GAN: variants seen among roughly 807,000 people sequenced by gnomAD.
The protein encoded by GAN is epididymis secretory sperm binding protein.
A neutral mutation model predicts 71.3 loss-of-function variants in GAN; 48 were observed. That is an observed-to-expected ratio of 0.67 (90% CI 0.53 to 0.86). GAN has a LOEUF of 0.86. Among genes scored for constraint, GAN ranks in the 40% least tolerant of loss-of-function variants. The pLI is 0.00. For synonymous variants in GAN, 386 were observed against 276.8 expected, an observed-to-expected ratio of 1.39 and a Z score of -3.92; for missense variants, 928 against 770.1, an observed-to-expected ratio of 1.21 and a Z score of -2.43.
In GAN at chr16:81,383,240, C is replaced by CTTT. The variant is rs1567503568; in HGVS notation, c.*5645_*5646insTTT. The CTTT allele has an allele frequency of 7.2e-6, 1 of 138,066 alleles. No homozygotes were observed. The highest frequency in any genetic ancestry group is 7.3e-5 in the Admixed American group (1 of 13,616). 8.6% of individuals were successfully genotyped at this position (138,066 alleles called of 1,614,324 possible). ...TTTAGTCAGAAATGACTGTTGCCCT[C>CTTT]TCTTTTTTTTTTTTTTTTTTTTTTT... On this transcript the variant is annotated 3_prime_UTR_variant, in exon 11 of 11. Coordinates refer to ENST00000648994, the MANE Select transcript of GAN (RefSeq NM_022041.4).
At chr16:81,342,330 A>T (rs968019052) in intron 1 of GAN, among the ~76,000 whole-genome samples, 1 of 152,240 alleles carries the variant, frequency 6.6e-6, no homozygotes, top group South Asian at 2.1e-4. Context: ...CAGAATATAC[A>T]TTCTTCTTAG....
At chr16:81,376,630 ACATATATGTGTG>A (rs1567500968) in intron 9 of GAN, among the ~76,000 whole-genome samples, 1 of 147,730 alleles carries the variant, frequency 6.8e-6, no homozygotes, top group Non-Finnish European at 1.5e-5. Context: ...ATATATACAT[ACATATATGTGTG>A]TATATATGTG....
intron 1 of GAN, among the ~76,000 whole-genome samples, chr16:81,320,760 G>A (rs996597195): frequency 6.6e-6 from 1 of 152,150 alleles, no homozygotes; most frequent in South Asian, 2.1e-4. Context: ...CTCTTATGGT[G>A]ATGGAAAATA....
chr16:81,317,048 G>A (rs1010698363), intron 1 of GAN, among the ~76,000 whole-genome samples: 70 of 152,098 alleles, frequency 4.6e-4, no homozygotes, highest in African/African-American at 1.6e-3. Context: ...TAGTAGAGTC[G>A]GGGTTTTACC....
chr16:81,343,724 C>G (rs1910023334), intron 1 of GAN, among the ~76,000 whole-genome samples: 1 of 152,218 alleles, frequency 6.6e-6, no homozygotes, highest in Admixed American at 6.5e-5. Flanking sequence ...AGGATGCCCT[C>G]TCTCACCATT....
chr16:81,361,098 G>A (rs1297789245), intron 5 of GAN, among the ~76,000 whole-genome samples: 1 of 152,154 alleles, frequency 6.6e-6, no homozygotes, highest in Non-Finnish European at 1.5e-5. Flanking sequence ...GGTGGCATGT[G>A]CCTGTAATCC....
chr16:81,378,016 A>G lies in GAN; in HGVS notation c.*420A>G, dbSNP rs1471117527. Reference sequence around the variant, plus strand: ...CCGTATATGCAAATCAACATATCCAAACATGCCAAGACTGCTTTTCCACTG... The same window carrying G: ...CCGTATATGCAAATCAACATATCCAGACATGCCAAGACTGCTTTTCCACTG... On this transcript the variant is annotated 3_prime_UTR_variant, in exon 11 of 11. Coordinates refer to ENST00000648994, the MANE Select transcript of GAN (RefSeq NM_022041.4). 1 of 261,456 alleles carries G rather than the reference A, an allele frequency of 3.8e-6. No individual in the cohort carries two copies. Among genetic ancestry groups the G allele is most frequent in the Non-Finnish European group, 7.5e-6 (1 of 132,886 alleles). The allele number at this position is 261,456 out of a possible 1,614,324, so 16.2% of individuals were successfully genotyped here.
chr16:81,350,148 A>C (rs1432628969), intron 1 of GAN, among the ~76,000 whole-genome samples: 1 of 152,172 alleles, frequency 6.6e-6, no homozygotes, highest in Non-Finnish European at 1.5e-5. Flanking sequence ...AGTATCACAA[A>C]TATGTAAAGA....
Position 81,381,684 on chromosome 16 carries a change from C to G in GAN, c.*4088C>G, listed in dbSNP as rs1247207830. Reference sequence around the variant, plus strand: ...ACCCACTATGGAACGGGCAAGGGCCCCGTCTTTGTCATCTGCCAGTCTCAG... The same window carrying G: ...ACCCACTATGGAACGGGCAAGGGCCGCGTCTTTGTCATCTGCCAGTCTCAG... On this transcript the variant is annotated 3_prime_UTR_variant, in exon 11 of 11. Transcript: ENST00000648994. 3.9e-5 allele frequency: 6 copies of G among 152,248 alleles called. No individual in the cohort carries two copies. The highest frequency in any genetic ancestry group is 1.2e-4 in the African/African-American group (5 of 41,466). 9.4% of individuals were successfully genotyped at this position (152,248 alleles called of 1,614,324 possible). A position where few individuals can be genotyped will look rare whatever the true frequency, so the allele number is the denominator to read the frequency against.
At chr16:81,335,208 A>T (rs990795985) in intron 1 of GAN, among the ~76,000 whole-genome samples, 12 of 151,760 alleles carry the variant, frequency 7.9e-5, no homozygotes, top group Non-Finnish European at 1.8e-4. Flanking sequence ...AACTTTTTTA[A>T]TATGCATATG....
chr16:81,315,165 C>T lies in GAN; in HGVS notation c.52C>T (p.Arg18Ter). 2 of 1,557,972 alleles carry T rather than the reference C, an allele frequency of 1.3e-6. No individual in the cohort carries two copies. Among genetic ancestry groups the T allele is most frequent in the Non-Finnish European group, 1.7e-6 (2 of 1,154,398 alleles). Residue 18 changes from arginine (R) to a stop codon, truncating the protein, a stop_gained, in exon 1 of 11, where the codon CGA becomes TGA. Transcript: ENST00000648994. LOFTEE classifies it high-confidence loss of function. ...CCCTCAGCACGCCGCGCGTCTGCTG[C>T]GAGCGCTCAGCTCTTTCCGCGAGGA... Reference protein sequence around the residue: ...SDPQHAARLLRALSSFREESR... With the variant: ...SDPQHAARLL
chr16:81,350,102 G>A (rs2150683009), intron 1 of GAN, among the ~76,000 whole-genome samples: 1 of 151,710 alleles, frequency 6.6e-6, no homozygotes, highest in Non-Finnish European at 1.5e-5. Context: ...TTTTTTAAAA[G>A]GCCCCTTTTA....
At chr16:81,362,242 G>A (rs895693205) in intron 5 of GAN, among the ~76,000 whole-genome samples, 1 of 152,136 alleles carries the variant, frequency 6.6e-6, no homozygotes, top group African/African-American at 2.4e-5. Context: ...GTGACTGAGC[G>A]GGTGACGCCA....
rs1349595506 is a variant in GAN, at chr16:81,364,904, G to A, written c.1237-70G>A. On this transcript the variant is annotated intron_variant, in intron 7 of 10. Transcript: ENST00000648994. ...AATCTCTTTAAGTATGGCCCAGACA[G>A]TTTAATATCTGTTCACCTGACCTGA... 6 of 1,474,818 alleles carry A rather than the reference G, an allele frequency of 4.1e-6. No individual in the cohort carries two copies. In the East Asian group the frequency reaches 1.4e-4, roughly 33 times the overall value. The allele number at this position is 1,474,818 out of a possible 1,614,324, so 91.4% of individuals were successfully genotyped here. A position where few individuals can be genotyped will look rare whatever the true frequency, so the allele number is the denominator to read the frequency against.
At chr16:81,353,006 T>G (rs113758110) in intron 2 of GAN, among the ~76,000 whole-genome samples, 1 of 152,206 alleles carries the variant, frequency 6.6e-6, no homozygotes, top group South Asian at 2.1e-4. Flanking sequence ...AAAACGATAG[T>G]TGGGGCCGGG....
At chr16:81,347,889 A>C (rs959504764) in intron 1 of GAN, among the ~76,000 whole-genome samples, 1 of 151,994 alleles carries the variant, frequency 6.6e-6, no homozygotes, top group South Asian at 2.1e-4. Flanking sequence ...CGTTACTGAG[A>C]GTACTTCCTT....
chr16:81,354,501 G>A lies in GAN; in HGVS notation c.379G>A (p.Gly127Ser), dbSNP rs749087082. 2.5e-6 allele frequency: 4 copies of A among 1,613,894 alleles called. No individual in the cohort carries two copies. Among genetic ancestry groups the A allele is most frequent in the South Asian group, 2.2e-5 (2 of 91,088 alleles). Reference protein sequence around the residue: ...LKTLCCEFLEGCIAAENCIGI... With the variant: ...LKTLCCEFLESCIAAENCIGI... Reference sequence around the variant, plus strand: ...AACCCTGTGCTGTGAGTTTTTGGAAGGCTGCATTGCTGCTGAGAACTGTAT... The same window carrying A: ...AACCCTGTGCTGTGAGTTTTTGGAAAGCTGCATTGCTGCTGAGAACTGTAT... Residue 127 changes from glycine to serine, a missense_variant, in exon 3 of 11, where the codon GGC (glycine) becomes AGC (serine). By Grantham distance (56) the Gly-to-Ser change is moderately conservative. Coordinates refer to ENST00000648994, the MANE Select transcript of GAN (RefSeq NM_022041.4).
intron 1 of GAN, among the ~76,000 whole-genome samples, chr16:81,323,850 T>A (rs137964433): frequency 8.0e-4 from 122 of 152,330 alleles, no homozygotes; most frequent in African/African-American, 2.7e-3. Context: ...TGGAGCATTG[T>A]ATTCAGTGGC....
chr16:81,366,471 A>G (rs1037973), intron 9 of GAN, among the ~76,000 whole-genome samples: 98,068 of 152,058 alleles, frequency 0.64, 31,679 homozygotes, highest in East Asian at 0.75. Flanking sequence ...TTTAAATCCT[A>G]AGGGGAAATT....
Sources: allele counts gnomAD v4.1 joint callset (sites outside exome capture counted in the v4.1 genomes callset), GRCh38; gene constraint gnomAD v4.1.1; transcripts MANE v1.5; gene names NCBI Gene and HGNC (gene_info 2026-07-23, HGNC 2026-07-21).